The following PHACTR4 variants were observed in gnomAD, a reference collection of about 807,000 sequenced individuals.
PHACTR4 encodes the protein protein phosphatase 1, regulatory subunit 124.
PHACTR4 carries 51 observed loss-of-function variants against 72.7 expected under a neutral mutation model. The ratio of observed to expected loss-of-function variants is 0.70; its 90% confidence interval spans 0.56 to 0.89. PHACTR4 has a LOEUF of 0.89. PHACTR4 is among the 40% of genes least tolerant of loss of function. The probability of loss-of-function intolerance (pLI) is 0.00; values close to 1 mark genes in which losing one functional copy is unlikely to be tolerated. For missense variants in PHACTR4, 731 were observed against 861.8 expected, an observed-to-expected ratio of 0.85 and a Z score of 1.90; for synonymous variants, 255 against 302.5, an observed-to-expected ratio of 0.84 and a Z score of 1.63.
intron 1 of PHACTR4, among the ~76,000 whole-genome samples, chr1:28,405,351 G>A (rs931742335): frequency 6.6e-6 from 1 of 151,636 alleles, no homozygotes; most frequent in African/African-American, 2.4e-5. Context: ...TTTTGAGACC[G>A]AATCTTACTC....
intron 4 of PHACTR4, among the ~76,000 whole-genome samples, chr1:28,462,201 T>G (rs34129560): frequency 0.61 from 92,462 of 151,454 alleles, 29,743 homozygotes; most frequent in African/African-American, 0.78. Flanking sequence ...AGAGTTGGGG[T>G]TTTCACCATG....
At chr1:28,390,804 A>G (rs976102677) in intron 1 of PHACTR4, among the ~76,000 whole-genome samples, 4 of 151,890 alleles carry the variant, frequency 2.6e-5, no homozygotes, top group Non-Finnish European at 4.4e-5. Context: ...AAAAATAGAA[A>G]AAATTCCAGG....
intron 2 of PHACTR4, among the ~76,000 whole-genome samples, chr1:28,457,055 C>T (rs532243589): frequency 3.3e-5 from 5 of 152,198 alleles, no homozygotes; most frequent in Non-Finnish European, 5.9e-5. Context: ...TTGTCATTTC[C>T]ATCTTTTGCA....
chr1:28,490,782 G>T (rs1660988760), intron 10 of PHACTR4, among the ~76,000 whole-genome samples, 169 bp from the exon 11 acceptor site: 2 of 151,660 alleles, frequency 1.3e-5, no homozygotes. Context: ...GGCCGAGGTT[G>T]CAGTGAGCCA....
rs752635496 is a variant in PHACTR4, at chr1:28,466,607, T to A, written c.662T>A (p.Val221Asp). 6.2e-7 allele frequency: 1 copy of A among 1,613,958 alleles called. No homozygotes were observed. Among genetic ancestry groups the A allele is most frequent in the Non-Finnish European group, 8.5e-7 (1 of 1,179,946 alleles). ...TTAATSLAKT[V>D]NLSVTPSPAP... ...GCTGCCACAAGCCTTGCAAAGACTGTTAATCTCTCTGTCACCCCTTCCCCA... is the reference window on the plus strand; with the variant it reads ...GCTGCCACAAGCCTTGCAAAGACTGATAATCTCTCTGTCACCCCTTCCCCA... Residue 221 changes from valine (V) to aspartate (D), a missense_variant, in exon 6 of 14, where the codon GTT becomes GAT. Val to Asp is a radical substitution (Grantham distance 152). Coordinates refer to ENST00000373839, the MANE Select transcript of PHACTR4 (RefSeq NM_001048183.3).
At chr1:28,435,561 A>T (rs188436657) in intron 2 of PHACTR4, among the ~76,000 whole-genome samples, 6 of 152,338 alleles carry the variant, frequency 3.9e-5, no homozygotes, top group Non-Finnish European at 8.8e-5. Context: ...CACCACGTCC[A>T]GCCTTGTACT....
At chr1:28,443,752 G>A (rs903010293) in intron 2 of PHACTR4, among the ~76,000 whole-genome samples, 2 of 152,038 alleles carry the variant, frequency 1.3e-5, no homozygotes, top group South Asian at 4.2e-4. Context: ...AGTACACCTG[G>A]CTCATTCTTT....
intron 2 of PHACTR4, among the ~76,000 whole-genome samples, chr1:28,445,072 AG>A: frequency 6.6e-6 from 1 of 151,916 alleles, no homozygotes; most frequent in African/African-American, 2.4e-5. Flanking sequence ...TCTCTGCCTC[AG>A]CCTCCTGAGT....
intron 8 of PHACTR4, among the ~76,000 whole-genome samples, chr1:28,478,410 T>C (rs1264655624): frequency 6.6e-6 from 1 of 152,060 alleles, no homozygotes; most frequent in East Asian, 1.9e-4. Context: ...TACCCAACAG[T>C]GGGATTGCTG....
In PHACTR4 at chr1:28,491,557, A is replaced by T. The variant is rs956532585; in HGVS notation, c.1879-93A>T. On this transcript the variant is annotated intron_variant, in intron 11 of 13. Coordinates refer to ENST00000373839, the MANE Select transcript of PHACTR4 (RefSeq NM_001048183.3). ...TCTAAAGCTCCCCCAGGTGATTCCAATGAAGATTGAAGCACTGGGTTAGAG... is the reference window on the plus strand; with the variant it reads ...TCTAAAGCTCCCCCAGGTGATTCCATTGAAGATTGAAGCACTGGGTTAGAG... 15 of 1,526,378 alleles carry T rather than the reference A, an allele frequency of 9.8e-6. No individual in the cohort carries two copies. In the East Asian group the frequency reaches 3.2e-4, roughly 32 times the overall value. The allele number at this position is 1,526,378 out of a possible 1,614,324, so 94.6% of individuals were successfully genotyped here.
chr1:28,418,873 C>T (rs1655295422), intron 2 of PHACTR4, among the ~76,000 whole-genome samples: 1 of 151,456 alleles, frequency 6.6e-6, no homozygotes, highest in Non-Finnish European at 1.5e-5. Context: ...ATTGCTTGAA[C>T]CCTGGAGGCA....
At chr1:28,421,627 G>A (rs766068979) in intron 2 of PHACTR4, among the ~76,000 whole-genome samples, 3 of 151,976 alleles carry the variant, frequency 2.0e-5, no homozygotes, top group Non-Finnish European at 2.9e-5. Context: ...GCTCTAAAAC[G>A]TAGGCCTGGC....
At position 28,428,302 on chromosome 1, in the gene PHACTR4, A is replaced by G. The variant is rs535756448; in HGVS notation, c.16+20839A>G. ...TCTTCTAGGCCTGCCTTTCCCACTG[A>G]CTTTACTGGACCTTAAGGAACTCCT... On this transcript the variant is annotated intron_variant, in intron 2 of 13. Transcript: ENST00000373839. Among the ~76,000 whole-genome samples, 12 of 152,240 alleles carry G rather than the reference A, an allele frequency of 7.9e-5. 1 individual carries two copies. In the South Asian group the frequency reaches 2.5e-3, roughly 32 times the overall value.
chr1:28,375,632 G>C (rs1271294364), intron 1 of PHACTR4, among the ~76,000 whole-genome samples: 1 of 152,162 alleles, frequency 6.6e-6, no homozygotes, highest in Non-Finnish European at 1.5e-5. Flanking sequence ...GCTGCAGTGA[G>C]CTATGATTGT....
chr1:28,493,538 CAAA>C (rs34819233), intron 13 of PHACTR4, among the ~76,000 whole-genome samples: 4 of 104,142 alleles, frequency 3.8e-5, no homozygotes, highest in African/African-American at 6.3e-5. Flanking sequence ...AACTCCATCT[CAAA>C]AAAAAAAAAA....
chr1:28,414,755 T>C (rs1425707636), intron 2 of PHACTR4, among the ~76,000 whole-genome samples: 1 of 152,108 alleles, frequency 6.6e-6, no homozygotes, highest in Non-Finnish European at 1.5e-5. Context: ...GCTTTACACT[T>C]TCTTGGAAAA....
chr1:28,477,701 C>CT (rs1022020192), intron 8 of PHACTR4, among the ~76,000 whole-genome samples: 4 of 150,550 alleles, frequency 2.7e-5, no homozygotes, highest in African/African-American at 9.8e-5. Context: ...GATCTTATTC[C>CT]TTTTTTTTTG....
chr1:28,373,203 C>T (rs1162633265), intron 1 of PHACTR4, among the ~76,000 whole-genome samples: 1 of 152,186 alleles, frequency 6.6e-6, no homozygotes, highest in Non-Finnish European at 1.5e-5. Context: ...AAGCAGTCCT[C>T]CTACCTTAGC....
At chr1:28,484,314 C>G (rs1035151710) in intron 9 of PHACTR4, among the ~76,000 whole-genome samples, 1 of 152,006 alleles carries the variant, frequency 6.6e-6, no homozygotes, top group Non-Finnish European at 1.5e-5. Flanking sequence ...GAGTAAGACT[C>G]CATCTCAAAA....
Sources: gnomAD v4.1 joint callset for allele counts (sites outside exome capture counted in the v4.1 genomes callset) on GRCh38, gnomAD v4.1.1 for gene constraint, MANE v1.5 for transcripts, NCBI Gene and HGNC (gene_info 2026-07-23, HGNC 2026-07-21) for gene names.